Variants in NCALD observed in about 807,000 individuals in gnomAD.
NCALD encodes neurocalcin delta.
Under a neutral mutation model 18.6 loss-of-function variants are expected in NCALD, and 10 were observed. That is an observed-to-expected ratio of 0.54 (90% CI 0.33 to 0.91). The LOEUF is 0.91. Among genes scored for constraint, NCALD ranks in the 40% least tolerant of loss-of-function variants. The pLI is 0.03. For missense variants in NCALD, 184 were observed against 247.6 expected, an observed-to-expected ratio of 0.74 and a Z score of 1.72; for synonymous variants, 88 against 87.4, an observed-to-expected ratio of 1.01 and a Z score of -0.04.
At chr8:102,072,466 C>G (rs771332153) in intron 1 of NCALD, among the ~76,000 whole-genome samples, 1 of 152,110 alleles carries the variant, frequency 6.6e-6, no homozygotes, top group Non-Finnish European at 1.5e-5. Flanking sequence ...CATTTTTCAA[C>G]CTTCCAAAAA....
At chr8:101,883,100 G>T (rs1796124678) in intron 4 of NCALD, among the ~76,000 whole-genome samples, 1 of 152,176 alleles carries the variant, frequency 6.6e-6, no homozygotes, top group Non-Finnish European at 1.5e-5. Flanking sequence ...GGCCAGATGT[G>T]GTGGCTCACG....
chr8:101,783,512 C>G (rs922646119), intron 1 of NCALD, among the ~76,000 whole-genome samples: 4 of 152,126 alleles, frequency 2.6e-5, no homozygotes, highest in African/African-American at 9.7e-5. Context: ...AAACATTGCC[C>G]TAGAAGCATA....
chr8:101,764,992 G>C (rs1009979903), intron 1 of NCALD, among the ~76,000 whole-genome samples: 10 of 152,166 alleles, frequency 6.6e-5, no homozygotes, highest in Non-Finnish European at 1.3e-4. Flanking sequence ...GCAAGATCAG[G>C]CATGTGAAGG....
At chr8:101,971,394 G>T (rs1170389203) in intron 2 of NCALD, among the ~76,000 whole-genome samples, 1 of 152,082 alleles carries the variant, frequency 6.6e-6, no homozygotes, top group Non-Finnish European at 1.5e-5. Flanking sequence ...GTCAAGGGCA[G>T]GACCTGGTGG....
intron 2 of NCALD, among the ~76,000 whole-genome samples, chr8:102,013,540 G>A (rs769782900): frequency 6.6e-6 from 1 of 152,072 alleles, no homozygotes; most frequent in Non-Finnish European, 1.5e-5. Context: ...GGAATTCACT[G>A]GCCAGGGCAA....
At chr8:102,090,002 TA>T (rs778898845) in intron 1 of NCALD, among the ~76,000 whole-genome samples, 26 of 152,220 alleles carry the variant, frequency 1.7e-4, no homozygotes, top group Non-Finnish European at 3.4e-4. Context: ...TCAAACTGAT[TA>T]AAATTGGATA....
chr8:101,901,226 C>G (rs1413379361), intron 3 of NCALD, among the ~76,000 whole-genome samples: 2 of 151,514 alleles, frequency 1.3e-5, no homozygotes, highest in African/African-American at 4.8e-5. Context: ...TTTTACCCTC[C>G]TATATTGTTA....
chr8:101,797,161 A>C (rs186608513), intron 4 of NCALD, among the ~76,000 whole-genome samples: 1 of 152,398 alleles, frequency 6.6e-6, no homozygotes, highest in East Asian at 1.9e-4. Flanking sequence ...AGGCTGTGTC[A>C]TGGGCATGTG....
intron 2 of NCALD, among the ~76,000 whole-genome samples, chr8:101,968,868 T>G (rs1471003932): frequency 6.6e-6 from 1 of 152,196 alleles, no homozygotes; most frequent in Non-Finnish European, 1.5e-5. Context: ...GGTGAATGTG[T>G]TCCTGAAAGA....
intron 1 of NCALD, among the ~76,000 whole-genome samples, chr8:102,098,382 C>T (rs930331909): frequency 7.9e-5 from 12 of 152,194 alleles, no homozygotes; most frequent in African/African-American, 2.9e-4. Flanking sequence ...AGGCTCAGCT[C>T]CTGCCAGTCT....
At chr8:101,710,363 G>A (rs897344974) in intron 2 of NCALD, among the ~76,000 whole-genome samples, 3 of 151,844 alleles carry the variant, frequency 2.0e-5, no homozygotes, top group Non-Finnish European at 2.9e-5. Flanking sequence ...CACGCTAGCT[G>A]CAGATGTTTT....
intron 1 of NCALD, among the ~76,000 whole-genome samples, chr8:101,784,815 T>A (rs1173475328): frequency 6.6e-6 from 1 of 152,102 alleles, no homozygotes; most frequent in African/African-American, 2.4e-5. Context: ...AAAATTTTTT[T>A]AATGTGGTAA....
At chr8:102,041,474 T>C (rs547395204) in intron 1 of NCALD, among the ~76,000 whole-genome samples, 1 of 152,266 alleles carries the variant, frequency 6.6e-6, no homozygotes, top group African/African-American at 2.4e-5. Flanking sequence ...GGATCTAAGG[T>C]GAACCAGAGG....
intron 1 of NCALD, among the ~76,000 whole-genome samples, chr8:101,721,778 T>G (rs1816368005): frequency 6.6e-6 from 1 of 152,040 alleles, no homozygotes; most frequent in Non-Finnish European, 1.5e-5. Context: ...TCCAAAGTGA[T>G]GGGAGTATGG....
chr8:101,731,971 CTT>C (rs1334582946), intron 1 of NCALD, among the ~76,000 whole-genome samples: 1 of 152,228 alleles, frequency 6.6e-6, no homozygotes, highest in African/African-American at 2.4e-5. Context: ...CCACATGTCT[CTT>C]CACCATCAGA....
intron 2 of NCALD, among the ~76,000 whole-genome samples, chr8:101,932,841 A>C (rs1818626780): frequency 6.6e-6 from 1 of 152,198 alleles, no homozygotes. Context: ...TAGCTAGAGA[A>C]TATTATTTTG....
At chr8:102,041,009 T>A (rs1157908987) in intron 1 of NCALD, among the ~76,000 whole-genome samples, 1 of 152,186 alleles carries the variant, frequency 6.6e-6, no homozygotes, top group Admixed American at 6.5e-5. Context: ...TTCTGTCCTA[T>A]TAAAGTACCA....
chr8:101,801,643 CTTTTTTTTTTTTTTTTTTTTTTTT>C (rs71268530), intron 4 of NCALD, among the ~76,000 whole-genome samples: 2,112 of 44,172 alleles, frequency 0.048, 108 homozygotes, highest in African/African-American at 0.11. Context: ...AGCACACTTA[CTTTTTTTTTTTTTTTTTTTTTTTT>C]TTTTTTTTTT....
intron 1 of NCALD, chr8:102,020,392 C>G (rs1487261404): frequency 6.6e-6 from 1 of 152,154 alleles, no homozygotes; most frequent in Non-Finnish European, 1.5e-5. Flanking sequence ...TGTTAATATA[C>G]ATAAAATACA....
Sources: allele counts gnomAD v4.1 joint callset (sites outside exome capture counted in the v4.1 genomes callset), GRCh38; gene constraint gnomAD v4.1.1; transcripts MANE v1.5; gene names NCBI Gene and HGNC (gene_info 2026-07-23, HGNC 2026-07-21).